Variants in DMD observed in about 807,000 individuals in gnomAD.
The protein encoded by DMD is mutant dystrophin.
DMD carries 63 observed loss-of-function variants against 330.1 expected under a neutral mutation model. That is an observed-to-expected ratio of 0.19 (90% CI 0.16 to 0.24). DMD has a LOEUF of 0.24. Ranked by LOEUF, DMD falls within the 10% of genes least tolerant of loss-of-function variation. The pLI is 1.00. For missense variants in DMD, 3,344 were observed against 2,684.1 expected (o/e 1.25, Z -5.43); for synonymous variants, 1,223 against 959.8 (o/e 1.27, Z -5.07).
intron 60 of DMD, among the ~76,000 whole-genome samples, chrX:31,356,924 C>CTTTTTTTTTTTT (rs58097229): frequency 1.3e-5 from 1 of 74,292 alleles, no homozygotes; most frequent in African/African-American, 5.0e-5. Flanking sequence ...TTTCTTCTGC[C>CTTTTTTTTTTTT]TTTTTTTTTT....
chrX:31,977,775 C>T (rs1438767140), intron 44 of DMD, among the ~76,000 whole-genome samples: 50 of 95,560 alleles, frequency 5.2e-4, no homozygotes, highest in African/African-American at 2.0e-3. Context: ...ACTGGGCACG[C>T]CCTCTGCAAA....
At chrX:31,997,932 C>A (rs760734618) in intron 44 of DMD, among the ~76,000 whole-genome samples, 1 of 111,669 alleles carries the variant, frequency 9.0e-6, no homozygotes, top group African/African-American at 3.2e-5. Flanking sequence ...GTATCTTTCT[C>A]CAAAGAGCTT....
intron 60 of DMD, among the ~76,000 whole-genome samples, chrX:31,414,692 A>G (rs1208608516): frequency 8.9e-6 from 1 of 112,273 alleles, no homozygotes; most frequent in Admixed American, 9.5e-5. Flanking sequence ...AAGTTTACCT[A>G]AACGCATCCA....
chrX:32,960,676 T>C (rs1451325783), intron 2 of DMD, among the ~76,000 whole-genome samples: 1 of 111,394 alleles, frequency 9.0e-6, no homozygotes, highest in Non-Finnish European at 1.9e-5. Flanking sequence ...AAAGTTCAGT[T>C]CAGTTCATGC....
chrX:32,698,430 T>A, intron 8 of DMD, among the ~76,000 whole-genome samples: 1 of 111,689 alleles, frequency 9.0e-6, no homozygotes, highest in South Asian at 3.8e-4. Context: ...GTGAGAGAGT[T>A]TGGCCTAAGA....
chrX:33,191,085 A>G (rs1161622597), intron 1 of DMD, among the ~76,000 whole-genome samples: 2 of 87,675 alleles, frequency 2.3e-5, no homozygotes, highest in East Asian at 3.9e-4. Context: ...GCTCTCTACT[A>G]TTTTTGTCTC....
At chrX:32,842,457 G>A (rs745383668) in intron 4 of DMD, among the ~76,000 whole-genome samples, 26 of 112,061 alleles carry the variant, frequency 2.3e-4, no homozygotes, top group African/African-American at 8.1e-4. Context: ...AGATGCCAAT[G>A]AGATGTGGTA....
intron 2 of DMD, among the ~76,000 whole-genome samples, chrX:32,919,295 A>G (rs1444960754): frequency 8.9e-6 from 1 of 111,979 alleles, no homozygotes; most frequent in Non-Finnish European, 1.9e-5. Context: ...CATTGTTGGT[A>G]TTAATGGGAG....
intron 9 of DMD, among the ~76,000 whole-genome samples, chrX:32,652,736 A>G (rs1303451096): frequency 1.8e-5 from 2 of 111,532 alleles, no homozygotes; most frequent in East Asian, 5.7e-4. Context: ...GAGGAATTGC[A>G]CACTCTCTTC....
At chrX:32,649,344 GGA>G (rs1483809424) in intron 9 of DMD, among the ~76,000 whole-genome samples, 1 of 109,047 alleles carries the variant, frequency 9.2e-6, no homozygotes, top group African/African-American at 3.4e-5. Context: ...CACGAGGTCA[GGA>G]GATCGAGACC....
chrX:32,359,069 C>T (rs978300631), intron 37 of DMD, among the ~76,000 whole-genome samples: 2 of 111,528 alleles, frequency 1.8e-5, no homozygotes, highest in African/African-American at 6.5e-5. Flanking sequence ...GTGCTCAAAG[C>T]AGGTCTTGTG....
At chrX:32,197,653 A>G (rs939965670) in intron 44 of DMD, among the ~76,000 whole-genome samples, 2 of 112,040 alleles carry the variant, frequency 1.8e-5, no homozygotes, top group African/African-American at 6.5e-5. Context: ...ATGGTTTCAT[A>G]TGAAAAGTGG....
chrX:31,176,969 A>C (rs2040572692), intron 71 of DMD, among the ~76,000 whole-genome samples: 1 of 111,402 alleles, frequency 9.0e-6, no homozygotes, highest in Non-Finnish European at 1.9e-5. Flanking sequence ...TGGAACAATA[A>C]AAAAGATTTA....
intron 9 of DMD, among the ~76,000 whole-genome samples, chrX:32,687,022 T>A (rs1335793474): frequency 8.9e-6 from 1 of 112,179 alleles, no homozygotes; most frequent in Non-Finnish European, 1.9e-5. Context: ...AGTGTCTACT[T>A]AATATTCTTG....
At chrX:31,975,463 T>G (rs751471272) in intron 44 of DMD, among the ~76,000 whole-genome samples, 1 of 111,897 alleles carries the variant, frequency 8.9e-6, no homozygotes, top group Non-Finnish European at 1.9e-5. Context: ...GGGCTGTGTT[T>G]TTCTCTCCAT....
intron 7 of DMD, among the ~76,000 whole-genome samples, chrX:32,747,829 C>A (rs2070255893): frequency 9.0e-6 from 1 of 110,954 alleles, no homozygotes; most frequent in South Asian, 3.9e-4. Context: ...GCAGGCCACA[C>A]TTTGAGAGCA....
At chrX:32,801,040 C>T (rs148153788) in intron 7 of DMD, among the ~76,000 whole-genome samples, 5,560 of 111,189 alleles carry the variant, frequency 0.05, 139 homozygotes, top group Non-Finnish European at 0.077. Flanking sequence ...TGGGTATATA[C>T]CCAGTGATGG....
At chrX:32,731,284 G>C (rs1321658012) in intron 7 of DMD, among the ~76,000 whole-genome samples, 1 of 112,266 alleles carries the variant, frequency 8.9e-6, no homozygotes, top group African/African-American at 3.2e-5. Flanking sequence ...CTCGCTGATT[G>C]CTAGCACAGC....
intron 44 of DMD, among the ~76,000 whole-genome samples, chrX:32,044,597 T>A (rs1305462023): frequency 9.1e-6 from 1 of 109,930 alleles, no homozygotes; most frequent in Non-Finnish European, 1.9e-5. Flanking sequence ...AATTTTTTTG[T>A]ATTTTTAGTA....
Sources: allele counts gnomAD v4.1 joint callset (sites outside exome capture counted in the v4.1 genomes callset), GRCh38; gene constraint gnomAD v4.1.1; transcripts MANE v1.5; gene names NCBI Gene and HGNC (gene_info 2026-07-23, HGNC 2026-07-21).